Variants in TLE6 observed in about 807,000 individuals in gnomAD.
The protein encoded by TLE6 is TLE family member 6, subcortical maternal complex member.
TLE6 carries 72 observed loss-of-function variants against 77.1 expected under a neutral mutation model. The observed-to-expected ratio is 0.93, with a 90% CI of 0.77 to 1.14. The LOEUF (loss-of-function observed/expected upper bound fraction) is 1.14. Ranked by LOEUF, TLE6 falls within the 50% of genes most tolerant of loss-of-function variation. The pLI, the probability that TLE6 is intolerant of heterozygous loss-of-function variation, is 0.00. For synonymous variants in TLE6, 366 were observed against 287.3 expected (o/e 1.27, Z -2.77); for missense variants, 843 against 747.6 (o/e 1.13, Z -1.49).
At chr19:2,982,777 A>T (rs1378661048) in intron 5 of TLE6, among the ~76,000 whole-genome samples, 1 of 151,962 alleles carries the variant, frequency 6.6e-6, no homozygotes, top group Non-Finnish European at 1.5e-5. Context: ...CTTCCAAGAG[A>T]GGGTCAGTCC....
intron 4 of TLE6, 61 bp downstream of exon 4, chr19:2,981,644 G>C: frequency 6.6e-7 from 1 of 1,519,936 alleles, no homozygotes; most frequent in Non-Finnish European, 8.9e-7. Context: ...CTGAGGCCCT[G>C]GTTTCCCGGC....
chr19:2,980,219 G>A (rs1369966709), intron 3 of TLE6, 37 bp downstream of exon 3: 16 of 1,522,284 alleles, frequency 1.1e-5, no homozygotes, highest in East Asian at 5.0e-5. Flanking sequence ...TCTCACGCTG[G>A]GAAGGAGCCC....
At position 2,987,194 on chromosome 19, in the gene TLE6, T is replaced by G. The variant is rs1279021907; in HGVS notation, c.497T>G (p.Ile166Ser). Residue 166 changes from isoleucine (I) to serine (S), a missense_variant, in exon 7 of 17, where the codon ATT (isoleucine) becomes AGT (serine). Ile to Ser is a moderately radical substitution (Grantham distance 142). Transcript: ENST00000246112. The stretch of plus-strand genomic sequence containing the variant: ...ACTCTGACCGAGCAACTCTGGCGGA[T>G]TTTTGCCGGCGTCCACGATGAGAAG... The part of the protein sequence containing the change: ...HDTLTEQLWR[I>S]FAGVHDEKAK... The G allele has an allele frequency of 2.5e-6, 4 of 1,613,978 alleles. No individual in the cohort carries two copies. The highest frequency in any genetic ancestry group is 1.6e-4 in the Middle Eastern group (1 of 6,062).
rs1729543363 is a variant in TLE6 at position 2,995,154 on chromosome 19, G to A, written c.*150G>A. On this transcript the variant is annotated 3_prime_UTR_variant, in exon 17 of 17. Coordinates refer to ENST00000246112, the MANE Select transcript of TLE6 (RefSeq NM_001143986.2). ...TGTGGTGTAGACTGGTCGCCATCAC[G>A]TGTAATAAAGCACCCGGGAAAGGCA... The A allele has an allele frequency of 1.6e-5, 8 of 513,458 alleles. No homozygotes were observed. The highest frequency in any genetic ancestry group is 6.3e-5 in the East Asian group (2 of 31,960). The allele number at this position is 513,458 out of a possible 1,614,324, so 31.8% of individuals were successfully genotyped here.
In TLE6 at chr19:2,987,033, C is replaced by CG; in HGVS notation, c.336_337insG (p.Lys113GlufsTer9). On this transcript the variant is annotated frameshift_variant, in exon 7 of 17. Coordinates refer to ENST00000246112, the MANE Select transcript of TLE6 (RefSeq NM_001143986.2). LOFTEE classifies it high-confidence loss of function. ...CTGGGACGCCCCAGCAGGTGAAGGA[C>CG]AAGACCCTGCAGGAGTCGAGCTTTG... is the stretch of plus-strand genomic sequence containing the variant. 6.2e-7 allele frequency: 1 copy of CG among 1,614,026 alleles called. No individual in the cohort carries two copies. The highest frequency in any genetic ancestry group is 8.5e-7 in the Non-Finnish European group (1 of 1,179,938).
chr19:2,982,018 A>G, intron 4 of TLE6, 130 bp from the exon 5 acceptor site: 1 of 875,944 alleles, frequency 1.1e-6, no homozygotes, highest in Non-Finnish European at 1.8e-6. Context: ...AAAGTAAAAG[A>G]GAAAACAAGG....
At chr19:2,981,362 AAG>A (rs1555683894) in intron 3 of TLE6, among the ~76,000 whole-genome samples, 174 bp from the exon 4 acceptor site, 14 of 151,590 alleles carry the variant, frequency 9.2e-5, no homozygotes, top group Non-Finnish European at 1.3e-4. Context: ...AAAAAAAAAA[AAG>A]AATATACTGC....
chr19:2,994,117 A>C (rs1317199269), intron 16 of TLE6, 22 bp downstream of exon 16: 1 of 1,586,002 alleles, frequency 6.3e-7, no homozygotes, highest in East Asian at 2.3e-5. Flanking sequence ...GGCTGGGGGC[A>C]GGACCCGGGG....
At chr19:2,980,738 TAAAAAAAAAAA>T (rs751491532) in intron 3 of TLE6, among the ~76,000 whole-genome samples, 1 of 106,320 alleles carries the variant, frequency 9.4e-6, no homozygotes, top group Non-Finnish European at 2.0e-5. Flanking sequence ...ACTCGGTCTT[TAAAAAAAAAAA>T]AAAAAAAAAG....
At chr19:2,985,615 T>G (rs1004390554) in intron 5 of TLE6, among the ~76,000 whole-genome samples, 7 of 148,032 alleles carry the variant, frequency 4.7e-5, no homozygotes, top group Admixed American at 1.3e-4. Context: ...GAGATGGAGT[T>G]TCACCATGTT....
intron 13 of TLE6, among the ~76,000 whole-genome samples, chr19:2,990,859 G>A (rs375370148): frequency 1.2e-3 from 182 of 151,530 alleles, no homozygotes; most frequent in Non-Finnish European, 2.3e-3. Flanking sequence ...AAAATTAGCC[G>A]GCGTGGTGGC....
chr19:2,987,391 C>A lies in TLE6; in HGVS notation c.558+19C>A. On this transcript the variant is annotated intron_variant, in intron 8 of 16. Coordinates refer to ENST00000246112, the MANE Select transcript of TLE6 (RefSeq NM_001143986.2). Reference sequence around the variant, plus strand: ...AGGCCTGGTGAGTAAACAACCTCAGCTCTATCCAGAGGGGTGGGCTTCCGG... The same window carrying A: ...AGGCCTGGTGAGTAAACAACCTCAGATCTATCCAGAGGGGTGGGCTTCCGG... 1 of 1,613,322 alleles carries A rather than the reference C, an allele frequency of 6.2e-7. No homozygotes were observed. The highest frequency in any genetic ancestry group is 1.3e-5 in the African/African-American group (1 of 75,040).
chr19:2,978,194 T>G lies in TLE6; in HGVS notation c.-36-4T>G. ...CAAGACCTGCCGTCTCCTTGTTGTT[T>G]TAGACTCTGGCTAAAGTCTTGGAGG... On this transcript the variant is annotated splice_polypyrimidine_tract_variant and splice_region_variant and intron_variant, in intron 1 of 16. Coordinates refer to ENST00000246112, the MANE Select transcript of TLE6 (RefSeq NM_001143986.2). 2 of 1,548,476 alleles carry G rather than the reference T, an allele frequency of 1.3e-6. No individual in the cohort carries two copies. The highest frequency in any genetic ancestry group is 1.7e-6 in the Non-Finnish European group (2 of 1,144,350).
At chr19:2,991,427 T>TACAC (rs1479991855) in intron 13 of TLE6, among the ~76,000 whole-genome samples, 1 of 132,702 alleles carries the variant, frequency 7.5e-6, no homozygotes, top group African/African-American at 3.0e-5. Context: ...CACACACACA[T>TACAC]ATATATAATA....
intron 14 of TLE6, among the ~76,000 whole-genome samples, chr19:2,992,226 A>G (rs1389411790): frequency 6.6e-6 from 1 of 152,130 alleles, no homozygotes; most frequent in East Asian, 1.9e-4. Flanking sequence ...TAATCCCAGC[A>G]CTTTTGGAGG....
Position 2,989,885 on chromosome 19 carries a change from C to G in TLE6, c.1244+100C>G. 8 of 1,510,660 alleles carry G rather than the reference C, an allele frequency of 5.3e-6. 1 individual carries two copies. In the South Asian group the frequency reaches 1.0e-4, roughly 19 times the overall value. 93.6% of individuals were successfully genotyped at this position (1,510,660 alleles called of 1,614,324 possible). A position where few individuals can be genotyped will look rare whatever the true frequency, so the allele number is the denominator to read the frequency against. On this transcript the variant is annotated intron_variant, in intron 13 of 16. Coordinates refer to ENST00000246112, the MANE Select transcript of TLE6 (RefSeq NM_001143986.2). ...CCACCTCTGCCCGCCTTCCTGCCAC[C>G]TCCTGAACCTGGGATATAGCACTCT...
chr19:2,991,807 T>G (rs781711716), intron 13 of TLE6, 36 bp from the exon 14 acceptor site: 2 of 1,610,844 alleles, frequency 1.2e-6, no homozygotes, highest in Non-Finnish European at 1.7e-6. Context: ...CCTCAGAGTC[T>G]TGACCTGATT....
intron 15 of TLE6, 90 bp from the exon 16 acceptor site, chr19:2,993,920 CAAAAAAAAA>C (rs34647224): frequency 3.5e-5 from 19 of 548,948 alleles, no homozygotes; most frequent in Non-Finnish European, 5.4e-5. Flanking sequence ...GACCCTGTCT[CAAAAAAAAA>C]AAAAAAAAAA....
At chr19:2,982,578 A>ACAG (rs2088821598) in intron 5 of TLE6, among the ~76,000 whole-genome samples, 1 of 148,974 alleles carries the variant, frequency 6.7e-6, no homozygotes, top group African/African-American at 2.5e-5. Flanking sequence ...GATGGTGAAG[A>ACAG]CAGAGGACGA....
Sources: allele counts gnomAD v4.1 joint callset (sites outside exome capture counted in the v4.1 genomes callset), GRCh38; gene constraint gnomAD v4.1.1; transcripts MANE v1.5; gene names NCBI Gene and HGNC (gene_info 2026-07-23, HGNC 2026-07-21).